Variants in RUFY4 observed in about 807,000 individuals in gnomAD.
RUFY4 encodes RUN and FYVE domain containing 4, also known as RUN and FYVE domain-containing protein 4.
In RUFY4, 73 loss-of-function variants were observed where a neutral mutation model predicts 69.0. The observed-to-expected ratio is 1.06, with a 90% CI of 0.88 to 1.29. The LOEUF is 1.29. Among genes scored for constraint, RUFY4 ranks in the 50% most tolerant of loss-of-function variants. The probability of loss-of-function intolerance (pLI) is 0.00; values close to 1 mark genes in which losing one functional copy is unlikely to be tolerated. For synonymous variants in RUFY4, 287 were observed against 271.8 expected, an observed-to-expected ratio of 1.06 and a Z score of -0.55; for missense variants, 770 against 705.6, an observed-to-expected ratio of 1.09 and a Z score of -1.03.
chr2:218,047,636 C>A (rs1283359085), intron 2 of RUFY4, among the ~76,000 whole-genome samples: 3 of 151,982 alleles, frequency 2.0e-5, no homozygotes, highest in African/African-American at 7.2e-5. Flanking sequence ...AATTAAAATT[C>A]TTTACCCTTA....
chr2:218,064,048 A>G (rs1482973519), intron 3 of RUFY4, among the ~76,000 whole-genome samples: 1 of 152,144 alleles, frequency 6.6e-6, no homozygotes, highest in Non-Finnish European at 1.5e-5. Context: ...AGTATTTTCC[A>G]TGAACCCATA....
intron 8 of RUFY4, among the ~76,000 whole-genome samples, chr2:218,077,360 G>A (rs112713148): frequency 6.6e-6 from 1 of 151,990 alleles, no homozygotes; most frequent in Middle Eastern, 3.2e-3. Context: ...AGTCTCTCAG[G>A]TCTCAGTTTC....
intron 2 of RUFY4, among the ~76,000 whole-genome samples, chr2:218,043,104 AG>A (rs2106027084): frequency 7.5e-6 from 1 of 132,708 alleles, no homozygotes; most frequent in African/African-American, 4.3e-5. Flanking sequence ...AACAGCTCGG[AG>A]GAGACCTGCA....
chr2:218,059,129 G>C (rs1039369904), intron 3 of RUFY4: 5 of 152,192 alleles, frequency 3.3e-5, no homozygotes, highest in Admixed American at 1.3e-4. Context: ...CTTTTGGTTG[G>C]AAGAAACAAA....
At chr2:218,089,964 C>T (rs778171785) in exon 11 of RUFY4, 94 of 1,561,124 alleles carry the variant, frequency 6.0e-5, no homozygotes, top group Non-Finnish European at 7.7e-5. Context: ...TCTGTGGAGG[C>T]CTGCTCTGCC....
chr2:218,070,549 A>G (rs2106047147), exon 1 of RUFY4: 1 of 1,464,294 alleles, frequency 6.8e-7, no homozygotes, highest in Non-Finnish European at 9.2e-7. Flanking sequence ...TGAGGCCGAA[A>G]GTCCTTCCTG....
At chr2:218,037,687 C>T (rs1262153217) in intron 2 of RUFY4, among the ~76,000 whole-genome samples, 2 of 152,224 alleles carry the variant, frequency 1.3e-5, no homozygotes, top group Admixed American at 1.3e-4. Context: ...CTTCTCTGGA[C>T]ATTTTCAAAT....
intron 2 of RUFY4, among the ~76,000 whole-genome samples, chr2:218,052,633 C>T (rs1205327137): frequency 6.6e-6 from 1 of 151,958 alleles, no homozygotes; most frequent in East Asian, 1.9e-4. Flanking sequence ...CAGTATTGAG[C>T]ACCTGTAGTT....
At chr2:218,075,614 C>G (rs1689610819) in exon 7 of RUFY4, 1 of 1,522,208 alleles carries the variant, frequency 6.6e-7, no homozygotes, top group Non-Finnish European at 8.8e-7. Context: ...TGGGGGAGCC[C>G]TGGGTCCTTC....
chr2:218,088,466 A>G (rs542637436), intron 9 of RUFY4, among the ~76,000 whole-genome samples: 15 of 152,210 alleles, frequency 9.9e-5, no homozygotes, highest in South Asian at 4.1e-4. Flanking sequence ...AAAAAAAAAA[A>G]AAAAGAAAAG....
At chr2:218,050,660 C>T (rs143825084) in intron 2 of RUFY4, among the ~76,000 whole-genome samples, 1 of 151,972 alleles carries the variant, frequency 6.6e-6, no homozygotes, top group Admixed American at 6.6e-5. Flanking sequence ...TATTACCACA[C>T]ATTTTTTTTG....
At chr2:218,070,698 T>G in intron 1 of RUFY4, 47 bp downstream of exon 3, 3 of 1,535,718 alleles carry the variant, frequency 2.0e-6, no homozygotes, top group Non-Finnish European at 2.6e-6. Flanking sequence ...ATGGGAGAAG[T>G]CAGGGTCTGG....
At chr2:218,057,489 G>T (rs558125183) in intron 2 of RUFY4, among the ~76,000 whole-genome samples, 2 of 152,086 alleles carry the variant, frequency 1.3e-5, no homozygotes, top group African/African-American at 4.8e-5. Flanking sequence ...TTCTGTGTCC[G>T]CTCATATACC....
chr2:218,060,917 A>G (rs776941903), intron 3 of RUFY4: 1 of 979,764 alleles, frequency 1.0e-6, no homozygotes, highest in Non-Finnish European at 1.7e-6. Context: ...GGTTCCACAA[A>G]CCCAGACATA....
At chr2:218,085,899 A>G (rs1689883900) in intron 9 of RUFY4, among the ~76,000 whole-genome samples, 1 of 152,224 alleles carries the variant, frequency 6.6e-6, no homozygotes, top group South Asian at 2.1e-4. Context: ...AGTTCTAAAC[A>G]GATTTTATTG....
intron 8 of RUFY4, among the ~76,000 whole-genome samples, chr2:218,082,537 G>C (rs376897529): frequency 1.3e-5 from 2 of 152,214 alleles, no homozygotes; most frequent in East Asian, 3.8e-4. Flanking sequence ...TCATTTCTCT[G>C]AATGGTTGGT....
chr2:218,073,320 A>T (rs749444910), exon 5 of RUFY4: 3 of 1,572,524 alleles, frequency 1.9e-6, no homozygotes, highest in African/African-American at 1.4e-5. Context: ...TATGCTCTCA[A>T]TGGGGTGGCC....
intron 2 of RUFY4, among the ~76,000 whole-genome samples, chr2:218,052,690 G>A (rs555524959): frequency 1.7e-4 from 25 of 151,352 alleles, no homozygotes; most frequent in Admixed American, 7.9e-4. Flanking sequence ...GAGTCTGGGA[G>A]TTCAAGACCA....
intron 3 of RUFY4, chr2:218,061,082 AT>A (rs1689176833): frequency 3.4e-6 from 2 of 587,798 alleles, no homozygotes; most frequent in Middle Eastern, 3.4e-4. Context: ...TGTGCCAAAA[AT>A]CCAGCCATTC....
Sources: allele counts gnomAD v4.1 joint callset (sites outside exome capture counted in the v4.1 genomes callset), GRCh38; gene constraint gnomAD v4.1.1; transcripts MANE v1.5; gene names NCBI Gene and HGNC (gene_info 2026-07-23, HGNC 2026-07-21).